The following SNAP91 variants were observed in gnomAD, a reference collection of about 807,000 sequenced individuals.
SNAP91 encodes clathrin coat assembly protein AP180.
A neutral mutation model predicts 100.3 loss-of-function variants in SNAP91; 27 were observed. The observed-to-expected ratio is 0.27, with a 90% CI of 0.20 to 0.37. SNAP91 has a LOEUF of 0.37. Among genes scored for constraint, SNAP91 ranks in the 10% least tolerant of loss-of-function variants. The pLI is 1.00. For missense variants in SNAP91, 986 were observed against 1,123.7 expected, an observed-to-expected ratio of 0.88 and a Z score of 1.75; for synonymous variants, 404 against 398.6, an observed-to-expected ratio of 1.01 and a Z score of -0.16.
At chr6:83,676,373 T>C (rs780530141) in intron 2 of SNAP91, among the ~76,000 whole-genome samples, 3 of 152,298 alleles carry the variant, frequency 2.0e-5, no homozygotes, top group Non-Finnish European at 4.4e-5. Context: ...TAGAGGATAC[T>C]GCTTCAGATA....
chr6:83,704,325 C>G (rs1393422786), intron 2 of SNAP91, among the ~76,000 whole-genome samples: 1 of 152,012 alleles, frequency 6.6e-6, no homozygotes, highest in Non-Finnish European at 1.5e-5. Context: ...CAAAGGGCAA[C>G]ATCACTATAG....
intron 8 of SNAP91, among the ~76,000 whole-genome samples, chr6:83,624,941 AG>A (rs1184878661): frequency 1.3e-5 from 2 of 152,172 alleles, no homozygotes; most frequent in East Asian, 1.9e-4. Flanking sequence ...ATTTGTTACA[AG>A]GGTACATTGT....
At chr6:83,646,243 C>G (rs2097912335) in intron 7 of SNAP91, among the ~76,000 whole-genome samples, 1 of 152,126 alleles carries the variant, frequency 6.6e-6, no homozygotes, top group South Asian at 2.1e-4. Context: ...TCCAGCTCTT[C>G]AATTATTTCT....
chr6:83,616,773 T>A (rs1420207335), intron 10 of SNAP91, among the ~76,000 whole-genome samples, 196 bp downstream of exon 10: 1 of 152,174 alleles, frequency 6.6e-6, no homozygotes, highest in East Asian at 1.9e-4. Context: ...ATTTGCTGCA[T>A]TAGCCTGCAG....
Position 83,617,051 on chromosome 6 carries a change from A to T in SNAP91, c.808-12T>A. 1.3e-6 allele frequency: 2 copies of T among 1,517,206 alleles called. No individual in the cohort carries two copies. The highest frequency in any genetic ancestry group is 1.8e-6 in the Non-Finnish European group (2 of 1,123,526). 94.0% of individuals were successfully genotyped at this position (1,517,206 alleles called of 1,614,324 possible). A position where few individuals can be genotyped will look rare whatever the true frequency, so the allele number is the denominator to read the frequency against. Reference sequence around the variant, plus strand: ...AGACTGCTGGGAGCCTACAATAAGAAAGTAAAAATAAATGTCTGCATTGTT... The same window carrying T: ...AGACTGCTGGGAGCCTACAATAAGATAGTAAAAATAAATGTCTGCATTGTT... On this transcript the variant is annotated splice_polypyrimidine_tract_variant and intron_variant, in intron 9 of 29. Coordinates refer to ENST00000369694, the MANE Select transcript of SNAP91 (RefSeq NM_001242792.2).
Position 83,641,092 on chromosome 6 carries a change from T to C in SNAP91, c.765+4A>G. The C allele has an allele frequency of 2.1e-6, 3 of 1,461,536 alleles. No homozygotes were observed. The highest frequency in any genetic ancestry group is 2.7e-6 in the Non-Finnish European group (3 of 1,091,762). 90.5% of individuals were successfully genotyped at this position (1,461,536 alleles called of 1,614,324 possible). The stretch of plus-strand genomic sequence containing the variant: ...TATTCCCAAGAAAACTTAATATTAC[T>C]TACCTCTGCAACCTTGAGAAATTCA... On this transcript the variant is annotated splice_donor_region_variant and intron_variant, in intron 8 of 29. Transcript: ENST00000369694.
chr6:83,691,953 A>G (rs1014230912), intron 2 of SNAP91, among the ~76,000 whole-genome samples: 1 of 152,188 alleles, frequency 6.6e-6, no homozygotes, highest in East Asian at 1.9e-4. Flanking sequence ...TATTTTGATA[A>G]TTACAACATT....
intron 7 of SNAP91, among the ~76,000 whole-genome samples, chr6:83,653,262 G>A (rs2098276343): frequency 6.6e-6 from 1 of 151,890 alleles, no homozygotes; most frequent in Admixed American, 6.6e-5. Context: ...CTGTTCTGAT[G>A]TTTGTTTTGT....
At chr6:83,695,108 C>T (rs1208750121) in intron 2 of SNAP91, among the ~76,000 whole-genome samples, 2 of 151,584 alleles carry the variant, frequency 1.3e-5, no homozygotes, top group East Asian at 1.9e-4. Flanking sequence ...CCCATCTCTA[C>T]TAAAAATAAA....
intron 8 of SNAP91, among the ~76,000 whole-genome samples, chr6:83,631,605 T>C (rs906555959): frequency 6.6e-6 from 1 of 152,186 alleles, no homozygotes; most frequent in African/African-American, 2.4e-5. Context: ...TTTTTTTGTC[T>C]TTTTTAACTG....
intron 11 of SNAP91, among the ~76,000 whole-genome samples, chr6:83,614,016 C>A (rs1303660697): frequency 6.6e-6 from 1 of 152,084 alleles, no homozygotes; most frequent in Non-Finnish European, 1.5e-5. Flanking sequence ...TCACTATGAA[C>A]ACAGCAAATG....
intron 7 of SNAP91, among the ~76,000 whole-genome samples, chr6:83,646,253 T>C (rs1032254195): frequency 6.6e-6 from 1 of 152,212 alleles, no homozygotes; most frequent in African/African-American, 2.4e-5. Flanking sequence ...CAATTATTTC[T>C]TCCATGGATC....
At chr6:83,658,433 T>G (rs964391396) in intron 6 of SNAP91, among the ~76,000 whole-genome samples, 4 of 151,948 alleles carry the variant, frequency 2.6e-5, no homozygotes, top group African/African-American at 9.7e-5. Flanking sequence ...CATGGTGAGA[T>G]GCCATCTCTA....
At chr6:83,628,674 G>C (rs895901662) in intron 8 of SNAP91, among the ~76,000 whole-genome samples, 2 of 151,822 alleles carry the variant, frequency 1.3e-5, no homozygotes. Context: ...ATCTTCTTTT[G>C]AGAACTGTCT....
chr6:83,707,805 G>A lies in SNAP91; in HGVS notation c.123C>T (p.His41=). The part of the protein sequence containing the change: ...THEVMGPKKK[H]LDYLIQATNE... Reference sequence around the variant, plus strand: ...ATATAAAGAGATGCTTACAGTCCAGGTGCTTTTTCTTGGGGCCCATTACTT... The same window carrying A: ...ATATAAAGAGATGCTTACAGTCCAGATGCTTTTTCTTGGGGCCCATTACTT... Residue 41 remains histidine, a synonymous_variant, in exon 2 of 30, where the codon CAC becomes CAT. Coordinates refer to ENST00000369694, the MANE Select transcript of SNAP91 (RefSeq NM_001242792.2). The A allele has an allele frequency of 6.2e-7, 1 of 1,613,170 alleles. No homozygotes were observed. Among genetic ancestry groups the A allele is most frequent in the Non-Finnish European group, 8.5e-7 (1 of 1,179,604 alleles).
chr6:83,689,714 A>T (rs1192944867), intron 2 of SNAP91: 1 of 152,130 alleles, frequency 6.6e-6, no homozygotes, highest in African/African-American at 2.4e-5. Context: ...AAAAAAATTC[A>T]TTAAATAATT....
At chr6:83,640,565 G>A (rs2097654146) in intron 8 of SNAP91, among the ~76,000 whole-genome samples, 1 of 151,980 alleles carries the variant, frequency 6.6e-6, no homozygotes, top group Admixed American at 6.6e-5. Flanking sequence ...TAGTTACACA[G>A]GTATTCTAAT....
intron 7 of SNAP91, among the ~76,000 whole-genome samples, chr6:83,653,735 A>T (rs2098297211): frequency 6.6e-6 from 1 of 152,084 alleles, no homozygotes; most frequent in Admixed American, 6.6e-5. Context: ...GTCTTTATTA[A>T]TGTAGTGTTA....
At chr6:83,643,205 T>G (rs1026370208) in intron 7 of SNAP91, among the ~76,000 whole-genome samples, 2 of 152,194 alleles carry the variant, frequency 1.3e-5, no homozygotes, top group Non-Finnish European at 2.9e-5. Flanking sequence ...TAGATCCCAT[T>G]TGTCAATTTT....
Sources: gnomAD v4.1 joint callset for allele counts (sites outside exome capture counted in the v4.1 genomes callset) on GRCh38, gnomAD v4.1.1 for gene constraint, MANE v1.5 for transcripts, NCBI Gene and HGNC (gene_info 2026-07-23, HGNC 2026-07-21) for gene names.